MBNL2: variants seen among roughly 807,000 people sequenced by gnomAD.
MBNL2 encodes muscleblind-like protein 2.
In MBNL2, 17 loss-of-function variants were observed where a neutral mutation model predicts 41.9. That is an observed-to-expected ratio of 0.41 (90% CI 0.28 to 0.61). The LOEUF (loss-of-function observed/expected upper bound fraction) is 0.61, where lower values mean the gene tolerates loss of function less well. MBNL2 is among the 20% of genes least tolerant of loss of function. MBNL2 has a pLI of 0.35. For missense variants in MBNL2, 336 were observed against 505.6 expected (o/e 0.66, Z 3.22); for synonymous variants, 195 against 182.9 (o/e 1.07, Z -0.53).
At chr13:97,230,580 C>T (rs1191949167) in intron 1 of MBNL2, among the ~76,000 whole-genome samples, 2 of 152,126 alleles carry the variant, frequency 1.3e-5, no homozygotes, top group Non-Finnish European at 2.9e-5. Flanking sequence ...TAGGCAATGA[C>T]AAAGGATGAA....
At chr13:97,194,346 T>C in the MBNL2 span, among the ~76,000 whole-genome samples, 1 of 152,224 alleles carries the variant, frequency 6.6e-6, no homozygotes, top group African/African-American at 2.4e-5. Context: ...CCTTAAATAC[T>C]TGTTAAGTGG....
chr13:97,265,354 C>G (rs2152894677), intron 1 of MBNL2, among the ~76,000 whole-genome samples: 1 of 152,204 alleles, frequency 6.6e-6, no homozygotes, highest in South Asian at 2.1e-4. Flanking sequence ...TTGGGTAACC[C>G]TATGTTTTAT....
intron 7 of MBNL2, among the ~76,000 whole-genome samples, chr13:97,359,793 T>C (rs1320792326): frequency 6.6e-6 from 1 of 152,112 alleles, no homozygotes; most frequent in East Asian, 1.9e-4. Flanking sequence ...AATATCAGAG[T>C]GAACAAGCAT....
intron 7 of MBNL2, among the ~76,000 whole-genome samples, chr13:97,362,396 T>TA (rs943037626): frequency 2.6e-5 from 4 of 152,014 alleles, no homozygotes; most frequent in African/African-American, 9.7e-5. Flanking sequence ...GGGAGGTAGG[T>TA]AAAATAACAA....
intron 1 of MBNL2, among the ~76,000 whole-genome samples, chr13:97,269,404 G>T (rs1449808438): frequency 1.3e-5 from 2 of 152,162 alleles, no homozygotes; most frequent in Non-Finnish European, 2.9e-5. Context: ...TTCCAAAATT[G>T]TGGAACGTCT....
intron 5 of MBNL2, among the ~76,000 whole-genome samples, chr13:97,349,602 A>G (rs368526518): frequency 6.6e-6 from 1 of 152,170 alleles, no homozygotes; most frequent in East Asian, 1.9e-4. Flanking sequence ...ATCTTGGCTC[A>G]CTGGAGCCTC....
intron 2 of MBNL2, among the ~76,000 whole-genome samples, chr13:97,304,551 T>C (rs966780928): frequency 6.6e-6 from 1 of 152,220 alleles, no homozygotes; most frequent in Non-Finnish European, 1.5e-5. Context: ...AAGGATTTCA[T>C]AGTGGATCAT....
chr13:97,214,400 G>T, the MBNL2 span, among the ~76,000 whole-genome samples: 9 of 152,252 alleles, frequency 5.9e-5, no homozygotes, highest in Admixed American at 2.0e-4. Flanking sequence ...GCTAAATTTT[G>T]TTTAACAAAT....
intron 8 of MBNL2, among the ~76,000 whole-genome samples, chr13:97,385,923 G>GT (rs1336555598): frequency 6.6e-6 from 1 of 152,186 alleles, no homozygotes; most frequent in Non-Finnish European, 1.5e-5. Context: ...AACCAAGTGT[G>GT]TTTCTCACCC....
At chr13:97,333,991 AG>A (rs2060649989) in intron 2 of MBNL2, among the ~76,000 whole-genome samples, 2 of 107,318 alleles carry the variant, frequency 1.9e-5, no homozygotes, top group South Asian at 6.4e-4. Context: ...AGGGAGGGAA[AG>A]AAAGAGAAAG....
At chr13:97,266,586 G>A (rs1345833918) in intron 1 of MBNL2, among the ~76,000 whole-genome samples, 1 of 152,266 alleles carries the variant, frequency 6.6e-6, no homozygotes, top group African/African-American at 2.4e-5. Flanking sequence ...GTCTGCATCT[G>A]ATAGGCTTAG....
At chr13:97,290,751 A>G (rs996687982) in intron 2 of MBNL2, among the ~76,000 whole-genome samples, 1 of 151,918 alleles carries the variant, frequency 6.6e-6, no homozygotes, top group Non-Finnish European at 1.5e-5. Flanking sequence ...TTTACCTACT[A>G]TGAGAATTAC....
the MBNL2 span, among the ~76,000 whole-genome samples, chr13:97,199,503 G>A: frequency 4.3e-4 from 65 of 152,308 alleles, no homozygotes; most frequent in Middle Eastern, 6.8e-3. Context: ...AGTATTAATT[G>A]TGGAATGAAT....
chr13:97,213,238 C>T, the MBNL2 span, among the ~76,000 whole-genome samples: 4 of 151,972 alleles, frequency 2.6e-5, no homozygotes, highest in Non-Finnish European at 4.4e-5. Context: ...TGGTTGTTGA[C>T]AGAAGAGAGT....
At chr13:97,210,128 G>A in the MBNL2 span, among the ~76,000 whole-genome samples, 1 of 152,174 alleles carries the variant, frequency 6.6e-6, no homozygotes, top group African/African-American at 2.4e-5. Flanking sequence ...AACCCAAAGT[G>A]TCCTCAGTAT....
At chr13:97,253,409 T>C (rs112091025) in intron 1 of MBNL2, among the ~76,000 whole-genome samples, 1 of 152,218 alleles carries the variant, frequency 6.6e-6, no homozygotes, top group African/African-American at 2.4e-5. Flanking sequence ...ATGGCTTGAA[T>C]AGATGATATC....
At chr13:97,259,991 C>T (rs2048305280) in intron 1 of MBNL2, among the ~76,000 whole-genome samples, 1 of 152,190 alleles carries the variant, frequency 6.6e-6, no homozygotes, top group African/African-American at 2.4e-5. Flanking sequence ...ACAGACAGAC[C>T]ATCCCCTTAC....
chr13:97,246,406 T>C (rs917933058), intron 1 of MBNL2, among the ~76,000 whole-genome samples: 1 of 152,182 alleles, frequency 6.6e-6, no homozygotes, highest in African/African-American at 2.4e-5. Context: ...GACTACTCCT[T>C]ATGTTAGAAA....
At chr13:97,188,730 G>A in the MBNL2 span, among the ~76,000 whole-genome samples, 1 of 151,592 alleles carries the variant, frequency 6.6e-6, no homozygotes, top group Non-Finnish European at 1.5e-5. Flanking sequence ...TAGGCAGAGG[G>A]CCAATACTTC....
Sources: gnomAD v4.1 joint callset for allele counts (sites outside exome capture counted in the v4.1 genomes callset) on GRCh38, gnomAD v4.1.1 for gene constraint, MANE v1.5 for transcripts, NCBI Gene and HGNC (gene_info 2026-07-23, HGNC 2026-07-21) for gene names.